The following MIS18A variants were observed in gnomAD, a reference collection of about 807,000 sequenced individuals.
The protein encoded by MIS18A is MIS18 kinetochore protein A, also known as protein Mis18-alpha.
Under a neutral mutation model 25.0 loss-of-function variants are expected in MIS18A, and 14 were observed. That is an observed-to-expected ratio of 0.56 (90% CI 0.37 to 0.88). The LOEUF (loss-of-function observed/expected upper bound fraction) is 0.88. Ranked by LOEUF, MIS18A falls within the 40% of genes least tolerant of loss-of-function variation. MIS18A has a pLI of 0.00. For missense variants in MIS18A, 292 were observed against 290.8 expected (o/e 1.00, Z -0.03); for synonymous variants, 134 against 118.6 (o/e 1.13, Z -0.84).
the MIS18A span, among the ~76,000 whole-genome samples, chr21:32,230,748 A>G: frequency 6.6e-6 from 1 of 152,376 alleles, no homozygotes; most frequent in South Asian, 2.1e-4. Flanking sequence ...CTCAAAATGG[A>G]TAAAGACCTA....
chr21:32,218,617 T>C, the MIS18A span, among the ~76,000 whole-genome samples: 49 of 152,300 alleles, frequency 3.2e-4, no homozygotes, highest in African/African-American at 1.2e-3. Context: ...AATTAAGATG[T>C]TAAATGTAAT....
chr21:32,241,215 T>G, the MIS18A span, among the ~76,000 whole-genome samples: 1 of 152,218 alleles, frequency 6.6e-6, no homozygotes, highest in African/African-American at 2.4e-5. Flanking sequence ...TGTAACTGAC[T>G]GTTCACTTTC....
At chr21:32,212,670 C>T in the MIS18A span, among the ~76,000 whole-genome samples, 1 of 152,306 alleles carries the variant, frequency 6.6e-6, no homozygotes, top group East Asian at 1.9e-4. Flanking sequence ...ACCCAAATCT[C>T]ACCTTGAATT....
chr21:32,250,597 T>C, the MIS18A span, among the ~76,000 whole-genome samples: 1 of 152,198 alleles, frequency 6.6e-6, no homozygotes, highest in African/African-American at 2.4e-5. Context: ...CCTGAGGAAC[T>C]CTCAGACCTT....
chr21:32,183,218 C>T, the MIS18A span, among the ~76,000 whole-genome samples: 1 of 152,150 alleles, frequency 6.6e-6, no homozygotes, highest in Non-Finnish European at 1.5e-5. Context: ...AAATTAGTGC[C>T]TATCACGGAC....
At position 32,278,979 on chromosome 21, in the gene MIS18A, T is replaced by C. The variant is rs146745786; in HGVS notation, c.36A>G (p.Gly12=). The change falls in exon 1 of 5, where the codon GGA becomes GGG. Residue 12 remains glycine (G), a synonymous_variant. Transcript: ENST00000290130. ...AGVRSLRCSR[G]CAGGCECGDK... ...CGCCGCACTCACAGCCGCCAGCGCA[T>C]CCTCTGCTACACCTCAGTGACCGAA... 1.5e-4 allele frequency: 242 copies of C among 1,610,624 alleles called. No homozygotes were observed. The highest frequency in any genetic ancestry group is 2.0e-4 in the Non-Finnish European group (237 of 1,179,836).
the MIS18A span, among the ~76,000 whole-genome samples, chr21:32,258,311 G>A: frequency 2.6e-5 from 4 of 151,936 alleles, no homozygotes; most frequent in Non-Finnish European, 2.9e-5. Flanking sequence ...GACGAATACC[G>A]AAAAAGCTGT....
At chr21:32,244,425 C>T in the MIS18A span, among the ~76,000 whole-genome samples, 1 of 151,984 alleles carries the variant, frequency 6.6e-6, no homozygotes, top group African/African-American at 2.4e-5. Context: ...AAATATGCCA[C>T]AAAAAGCTGA....
chr21:32,263,771 A>C (rs1474061120), downstream of MIS18A, among the ~76,000 whole-genome samples: 2 of 151,534 alleles, frequency 1.3e-5, no homozygotes, highest in Non-Finnish European at 2.9e-5. Context: ...ATACACAGCA[A>C]TATGCTGCAA....
At chr21:32,252,230 AAGAAGAAGAAGGAGGAGGAGGAGG>A in the MIS18A span, among the ~76,000 whole-genome samples, 22,458 of 91,154 alleles carry the variant, frequency 0.25, 2,002 homozygotes, top group Non-Finnish European at 0.28. Context: ...GAAGAAGAAG[AAGAAGAAGAAGGAGGAGGAGGAGG>A]AGGAGGAGGA....
the MIS18A span, among the ~76,000 whole-genome samples, chr21:32,173,674 A>ATC: frequency 6.6e-6 from 1 of 152,202 alleles, no homozygotes; most frequent in Non-Finnish European, 1.5e-5. Flanking sequence ...ACAAAGATAT[A>ATC]TTGTATGATT....
chr21:32,242,998 C>A, the MIS18A span, among the ~76,000 whole-genome samples: 2 of 152,064 alleles, frequency 1.3e-5, no homozygotes, highest in Non-Finnish European at 2.9e-5. Flanking sequence ...AGGTGAAAAG[C>A]GATTCACTGG....
At chr21:32,210,299 G>T in the MIS18A span, among the ~76,000 whole-genome samples, 24 of 152,126 alleles carry the variant, frequency 1.6e-4, no homozygotes, top group African/African-American at 5.5e-4. Flanking sequence ...ATTTTAAAAG[G>T]CCCTAGCTTA....
At chr21:32,186,774 G>C in the MIS18A span, among the ~76,000 whole-genome samples, 1 of 152,116 alleles carries the variant, frequency 6.6e-6, no homozygotes, top group Non-Finnish European at 1.5e-5. Flanking sequence ...AAGCCTCCAT[G>C]AGCACTGAAT....
the MIS18A span, among the ~76,000 whole-genome samples, chr21:32,211,963 C>T: frequency 6.6e-6 from 1 of 152,184 alleles, no homozygotes; most frequent in African/African-American, 2.4e-5. Context: ...TCCCCTGGCA[C>T]TCTGATTTTG....
chr21:32,217,740 G>C, the MIS18A span, among the ~76,000 whole-genome samples: 1 of 152,016 alleles, frequency 6.6e-6, no homozygotes, highest in Non-Finnish European at 1.5e-5. Context: ...TCATGTATAA[G>C]GGATCCTCAA....
At chr21:32,185,158 A>C in the MIS18A span, among the ~76,000 whole-genome samples, 1 of 151,766 alleles carries the variant, frequency 6.6e-6, no homozygotes, top group African/African-American at 2.4e-5. Flanking sequence ...GGGTCTCTCC[A>C]CTGCTCCCTG....
chr21:32,203,330 T>C, the MIS18A span, among the ~76,000 whole-genome samples: 9 of 151,894 alleles, frequency 5.9e-5, no homozygotes, highest in African/African-American at 1.7e-4. Flanking sequence ...GTTTCTAAAA[T>C]GAAAGGGTCA....
the MIS18A span, among the ~76,000 whole-genome samples, chr21:32,169,687 A>G: frequency 6.6e-6 from 1 of 152,162 alleles, no homozygotes; most frequent in Non-Finnish European, 1.5e-5. Flanking sequence ...ACACACACAC[A>G]GAGCCCCTCA....
Sources: allele counts gnomAD v4.1 joint callset (sites outside exome capture counted in the v4.1 genomes callset), GRCh38; gene constraint gnomAD v4.1.1; transcripts MANE v1.5; gene names NCBI Gene and HGNC (gene_info 2026-07-23, HGNC 2026-07-21).